The following RNGTT variants were observed in gnomAD, a reference collection of about 807,000 sequenced individuals.
RNGTT encodes the protein mRNA-capping enzyme.
Under a neutral mutation model 79.3 loss-of-function variants are expected in RNGTT, and 33 were observed. The ratio of observed to expected loss-of-function variants is 0.42; its 90% CI spans 0.32 to 0.56. The LOEUF (loss-of-function observed/expected upper bound fraction) is 0.56, where lower values mean the gene tolerates loss of function less well. Among genes scored for constraint, RNGTT ranks in the 20% least tolerant of loss-of-function variants. RNGTT has a pLI of 0.17. For synonymous variants in RNGTT, 222 were observed against 235.9 expected (o/e 0.94, Z 0.54); for missense variants, 497 against 739.1 (o/e 0.67, Z 3.80).
At chr6:88,691,406 A>G (rs1775477047) in intron 13 of RNGTT, among the ~76,000 whole-genome samples, 1 of 152,182 alleles carries the variant, frequency 6.6e-6, no homozygotes, top group Non-Finnish European at 1.5e-5. Context: ...CTTTATAGCA[A>G]TGCAAGAATG....
intron 13 of RNGTT, among the ~76,000 whole-genome samples, chr6:88,705,517 G>T (rs1028742348): frequency 1.9e-4 from 29 of 152,060 alleles, no homozygotes; most frequent in Non-Finnish European, 8.8e-5. Context: ...TTTAAGGAAG[G>T]ATTCCTATAA....
At chr6:88,816,182 A>C (rs1161797995) in intron 11 of RNGTT, among the ~76,000 whole-genome samples, 1 of 152,216 alleles carries the variant, frequency 6.6e-6, no homozygotes, top group Non-Finnish European at 1.5e-5. Flanking sequence ...CTGGGATTTG[A>C]CATAACACCT....
chr6:88,729,752 C>A (rs963504904), intron 13 of RNGTT, among the ~76,000 whole-genome samples: 1 of 152,036 alleles, frequency 6.6e-6, no homozygotes, highest in Non-Finnish European at 1.5e-5. Flanking sequence ...AATGTTATAC[C>A]GTCATCCCAA....
intron 4 of RNGTT, among the ~76,000 whole-genome samples, chr6:88,917,473 G>GA (rs1691211954): frequency 6.6e-6 from 1 of 152,084 alleles, no homozygotes; most frequent in Non-Finnish European, 1.5e-5. Flanking sequence ...TGCAGTTGGA[G>GA]AAAATGAAAG....
At chr6:88,725,138 G>C (rs186439748) in intron 13 of RNGTT, among the ~76,000 whole-genome samples, 1 of 152,340 alleles carries the variant, frequency 6.6e-6, no homozygotes, top group East Asian at 1.9e-4. Context: ...GGGCTGGCCG[G>C]GGATTACATT....
At chr6:88,670,248 A>G (rs1774582795) in intron 14 of RNGTT, among the ~76,000 whole-genome samples, 1 of 152,224 alleles carries the variant, frequency 6.6e-6, no homozygotes, top group Non-Finnish European at 1.5e-5. Flanking sequence ...TATTTGGAAA[A>G]TGGTTCCCAG....
chr6:88,803,847 A>G (rs2127865039), intron 11 of RNGTT, among the ~76,000 whole-genome samples: 1 of 152,270 alleles, frequency 6.6e-6, no homozygotes, highest in Admixed American at 6.5e-5. Context: ...GCCAGTTAGC[A>G]AGACTCTACA....
intron 6 of RNGTT, among the ~76,000 whole-genome samples, chr6:88,897,794 A>AT (rs904698437): frequency 8.5e-5 from 13 of 152,092 alleles, no homozygotes; most frequent in Admixed American, 1.3e-4. Context: ...TGCTGAATAA[A>AT]TTTTTTTCCT....
At chr6:88,676,451 C>T (rs146686643) in intron 14 of RNGTT, among the ~76,000 whole-genome samples, 2 of 151,886 alleles carry the variant, frequency 1.3e-5, no homozygotes, top group African/African-American at 4.8e-5. Flanking sequence ...GACAATAAAC[C>T]TAAATGTATA....
At chr6:88,675,413 CA>C (rs1312141869) in intron 14 of RNGTT, among the ~76,000 whole-genome samples, 2 of 152,090 alleles carry the variant, frequency 1.3e-5, no homozygotes, top group Non-Finnish European at 1.5e-5. Flanking sequence ...AAAAGCAGGC[CA>C]GGGGTGGTGG....
intron 13 of RNGTT, among the ~76,000 whole-genome samples, chr6:88,716,196 G>A (rs1250973092): frequency 2.0e-5 from 3 of 152,044 alleles, no homozygotes; most frequent in Admixed American, 2.0e-4. Context: ...CATTTATGCA[G>A]CCAAAAGACA....
chr6:88,695,225 A>ACCT (rs1775620247), intron 13 of RNGTT, among the ~76,000 whole-genome samples: 1 of 152,174 alleles, frequency 6.6e-6, no homozygotes, highest in Non-Finnish European at 1.5e-5. Flanking sequence ...TGAAGAGACA[A>ACCT]CCTACAGATT....
rs533382460 is a variant in RNGTT, at chr6:88,853,948, T to C, written c.897-184A>G. ...TTTTTTTTTTTTTTTGGAGACAGAG[T>C]CTTCCTCTGTTGCCCAGGCTGGATG... On this transcript the variant is annotated intron_variant, in intron 8 of 15. Transcript: ENST00000369485. Among the ~76,000 whole-genome samples, 184 of 149,300 alleles carry C rather than the reference T, an allele frequency of 1.2e-3. 4 individuals are homozygous for C. The highest frequency in any genetic ancestry group is 4.3e-3 in the African/African-American group (175 of 40,494).
chr6:88,813,724 T>C (rs779277424), intron 11 of RNGTT, among the ~76,000 whole-genome samples: 6 of 152,198 alleles, frequency 3.9e-5, no homozygotes. Context: ...TATTCTAAAC[T>C]AGAGTGTCAG....
intron 13 of RNGTT, among the ~76,000 whole-genome samples, chr6:88,710,487 T>G (rs1400965388): frequency 6.6e-6 from 1 of 152,214 alleles, no homozygotes; most frequent in Non-Finnish European, 1.5e-5. Context: ...TATTAGACAT[T>G]AGATTTTAAC....
At chr6:88,837,172 A>G (rs905468486) in intron 11 of RNGTT, among the ~76,000 whole-genome samples, 1 of 152,200 alleles carries the variant, frequency 6.6e-6, no homozygotes, top group Non-Finnish European at 1.5e-5. Flanking sequence ...GCCAGAGCAC[A>G]GCCTTGAGCC....
At chr6:88,769,746 T>C (rs1273415210) in intron 13 of RNGTT, 28 bp downstream of exon 13, 3 of 1,390,162 alleles carry the variant, frequency 2.2e-6, no homozygotes, top group Non-Finnish European at 3.1e-6. Flanking sequence ...TATTATTTCA[T>C]GCAAAAAGTA....
intron 4 of RNGTT, among the ~76,000 whole-genome samples, chr6:88,922,758 T>C (rs1042716008): frequency 1.3e-5 from 2 of 152,170 alleles, no homozygotes; most frequent in Non-Finnish European, 2.9e-5. Context: ...CTTGATCTCC[T>C]GACCTTGTGA....
intron 13 of RNGTT, among the ~76,000 whole-genome samples, chr6:88,730,716 T>C (rs911192570): frequency 6.6e-6 from 1 of 152,154 alleles, no homozygotes. Flanking sequence ...GGATCCCTCA[T>C]CTAGGACACT....
Sources: gnomAD v4.1 joint callset for allele counts (sites outside exome capture counted in the v4.1 genomes callset) on GRCh38, gnomAD v4.1.1 for gene constraint, MANE v1.5 for transcripts, NCBI Gene and HGNC (gene_info 2026-07-23, HGNC 2026-07-21) for gene names.